KLHL32: variants seen among roughly 807,000 people sequenced by gnomAD.
KLHL32 encodes kelch-like protein 32.
Under a neutral mutation model 64.8 loss-of-function variants are expected in KLHL32, and 35 were observed. The ratio of observed to expected loss-of-function variants is 0.54; its 90% CI spans 0.41 to 0.72. The LOEUF is 0.72. KLHL32 is among the 30% of genes least tolerant of loss of function. The pLI is 0.00. For synonymous variants in KLHL32, 259 were observed against 281.0 expected, an observed-to-expected ratio of 0.92 and a Z score of 0.78; for missense variants, 589 against 768.5, an observed-to-expected ratio of 0.77 and a Z score of 2.76.
chr6:96,973,885 CTAATT>C (rs1396427468), intron 2 of KLHL32, among the ~76,000 whole-genome samples: 1 of 151,894 alleles, frequency 6.6e-6, no homozygotes, highest in Non-Finnish European at 1.5e-5. Context: ...CCATGCCTGG[CTAATT>C]TTTGTATTTT....
At chr6:96,942,718 T>G (rs1292454087) in intron 1 of KLHL32, among the ~76,000 whole-genome samples, 1 of 150,568 alleles carries the variant, frequency 6.6e-6, no homozygotes, top group Non-Finnish European at 1.5e-5. Flanking sequence ...CAGGGTCATA[T>G]TTGATTCTCA....
chr6:96,994,062 G>T (rs1778171945), intron 3 of KLHL32, among the ~76,000 whole-genome samples: 1 of 152,184 alleles, frequency 6.6e-6, no homozygotes, highest in African/African-American at 2.4e-5. Context: ...TTCCAAGGCT[G>T]TTTGCTATAG....
At chr6:97,081,457 G>C (rs543906548) in intron 5 of KLHL32, among the ~76,000 whole-genome samples, 2 of 152,316 alleles carry the variant, frequency 1.3e-5, no homozygotes, top group African/African-American at 4.8e-5. Context: ...CTAGCCCTGG[G>C]AGGGGCAGTC....
chr6:97,056,605 A>G (rs1417614107), intron 4 of KLHL32, among the ~76,000 whole-genome samples: 1 of 152,196 alleles, frequency 6.6e-6, no homozygotes, highest in African/African-American at 2.4e-5. Flanking sequence ...TCCAGACCCA[A>G]GTTATTTGGT....
At chr6:96,980,773 GTGAATCCATT>G (rs562244440) in intron 3 of KLHL32, among the ~76,000 whole-genome samples, 3 of 152,278 alleles carry the variant, frequency 2.0e-5, no homozygotes, top group African/African-American at 7.2e-5. Context: ...GAAGTCAGCT[GTGAATCCATT>G]TGGTCCTGGG....
chr6:97,103,456 GC>G (rs1796011278), intron 6 of KLHL32, among the ~76,000 whole-genome samples: 1 of 152,090 alleles, frequency 6.6e-6, no homozygotes, highest in African/African-American at 2.4e-5. Flanking sequence ...CTTGTGATCT[GC>G]CCGCCTTGGC....
At chr6:97,040,011 T>C (rs1293587612) in intron 3 of KLHL32, among the ~76,000 whole-genome samples, 1 of 149,862 alleles carries the variant, frequency 6.7e-6, no homozygotes, top group East Asian at 1.9e-4. Context: ...GTACATTCCT[T>C]AGGCATTGAT....
At chr6:96,964,901 G>A (rs765976112) in intron 1 of KLHL32, among the ~76,000 whole-genome samples, 17 of 152,148 alleles carry the variant, frequency 1.1e-4, no homozygotes, top group Non-Finnish European at 2.2e-4. Context: ...ACATGTGTAA[G>A]TTTGTTACAT....
At chr6:97,029,587 C>T (rs1783228606) in intron 3 of KLHL32, among the ~76,000 whole-genome samples, 1 of 152,104 alleles carries the variant, frequency 6.6e-6, no homozygotes, top group Non-Finnish European at 1.5e-5. Flanking sequence ...AAACCACCAA[C>T]CAAACATCCT....
intron 4 of KLHL32, among the ~76,000 whole-genome samples, chr6:97,057,121 C>T (rs995053603): frequency 2.7e-5 from 4 of 147,330 alleles, no homozygotes; most frequent in African/African-American, 5.0e-5. Context: ...ATTAAACAGG[C>T]GTAAATCTAA....
chr6:97,074,854 T>G (rs1366049816), intron 5 of KLHL32, among the ~76,000 whole-genome samples: 3 of 151,104 alleles, frequency 2.0e-5, no homozygotes, highest in Non-Finnish European at 4.4e-5. Flanking sequence ...TAAACTATTT[T>G]CAATTAAAAG....
rs183899199 is a variant in KLHL32 at position 97,117,895 on chromosome 6, G to A, written c.1354+3386G>A. On this transcript the variant is annotated intron_variant, in intron 7 of 10. Coordinates refer to ENST00000369261, the MANE Select transcript of KLHL32 (RefSeq NM_052904.4). ...ATAAGAGGCTAACTGCAAAGTTAGT[G>A]CTTTAAAACTATAAAAATAAGACAA... Among the ~76,000 whole-genome samples, 347 of 152,176 alleles carry A rather than the reference G, an allele frequency of 2.3e-3. 2 individuals carry two copies. Among genetic ancestry groups the A allele is most frequent in the Non-Finnish European group, 3.2e-3 (219 of 67,998 alleles).
At chr6:97,137,735 C>CATGT (rs1191651864) in intron 10 of KLHL32, among the ~76,000 whole-genome samples, 1 of 152,098 alleles carries the variant, frequency 6.6e-6, no homozygotes, top group African/African-American at 2.4e-5. Flanking sequence ...AGGGTTTCAC[C>CATGT]ATGTTAGCCA....
In KLHL32 at chr6:97,106,735, C is replaced by T. The variant is rs370009318; in HGVS notation, c.628-7048C>T. Among the ~76,000 whole-genome samples, 5 of 148,240 alleles carry T rather than the reference C, an allele frequency of 3.4e-5. No individual in the cohort carries two copies. The East Asian group carries it at 5.9e-4, about 17-fold the overall frequency. Reference sequence around the variant, plus strand: ...CTCCACTCCGGGTGACAGAGGAGACCCTGTCTCAAAAAAAAAAAAAATTAA... The same window carrying T: ...CTCCACTCCGGGTGACAGAGGAGACTCTGTCTCAAAAAAAAAAAAAATTAA... On this transcript the variant is annotated intron_variant, in intron 6 of 10. Coordinates refer to ENST00000369261, the MANE Select transcript of KLHL32 (RefSeq NM_052904.4).
At chr6:96,970,903 A>T (rs1775035549) in intron 2 of KLHL32, among the ~76,000 whole-genome samples, 1 of 152,198 alleles carries the variant, frequency 6.6e-6, no homozygotes, top group African/African-American at 2.4e-5. Context: ...TATAATTTTT[A>T]AAATATTAAT....
intron 3 of KLHL32, among the ~76,000 whole-genome samples, chr6:96,988,273 C>A (rs1777374312): frequency 6.6e-6 from 1 of 152,244 alleles, no homozygotes; most frequent in Admixed American, 6.5e-5. Flanking sequence ...AACAAACAAC[C>A]CCATCCACAA....
intron 3 of KLHL32, among the ~76,000 whole-genome samples, chr6:97,030,439 A>G (rs766496536): frequency 6.6e-6 from 1 of 152,224 alleles, no homozygotes; most frequent in Non-Finnish European, 1.5e-5. Context: ...CCTCTGTGGT[A>G]GGCACTTAAA....
chr6:96,983,795 G>A (rs144535289), intron 3 of KLHL32, among the ~76,000 whole-genome samples: 37 of 151,978 alleles, frequency 2.4e-4, no homozygotes, highest in Middle Eastern at 6.8e-3. Context: ...TCTTGCTAGC[G>A]GTCTATCAAT....
chr6:97,027,142 A>G (rs1782827994), intron 3 of KLHL32, among the ~76,000 whole-genome samples: 1 of 149,692 alleles, frequency 6.7e-6, no homozygotes, highest in Non-Finnish European at 1.5e-5. Flanking sequence ...AGCCTGGGCA[A>G]CAGAGGGAGA....
Sources: gnomAD v4.1 joint callset for allele counts (sites outside exome capture counted in the v4.1 genomes callset) on GRCh38, gnomAD v4.1.1 for gene constraint, MANE v1.5 for transcripts, NCBI Gene and HGNC (gene_info 2026-07-23, HGNC 2026-07-21) for gene names.